Variants in PALD1 observed in about 807,000 individuals in gnomAD.
The protein encoded by PALD1 is paladin.
A neutral mutation model predicts 96.0 loss-of-function variants in PALD1; 57 were observed. The observed-to-expected ratio is 0.59, with a 90% CI of 0.48 to 0.74. The LOEUF (loss-of-function observed/expected upper bound fraction) is 0.74, where lower values mean the gene tolerates loss of function less well. PALD1 is among the 30% of genes least tolerant of loss of function. The pLI, the probability that PALD1 is intolerant of heterozygous loss-of-function variation, is 0.00. For missense variants in PALD1, 1,063 were observed against 1,143.7 expected (o/e 0.93, Z 1.02); for synonymous variants, 464 against 473.6 (o/e 0.98, Z 0.26).
At chr10:70,471,068 C>T in the PALD1 span, among the ~76,000 whole-genome samples, 3,458 of 152,176 alleles carry the variant, frequency 0.023, 104 homozygotes, top group African/African-American at 0.068. Flanking sequence ...ATGATCCTCC[C>T]GCCTCGGCCT....
intron 1 of PALD1, among the ~76,000 whole-genome samples, chr10:70,497,607 T>A (rs1338060774): frequency 5.3e-5 from 8 of 151,312 alleles, no homozygotes; most frequent in Non-Finnish European, 8.8e-5. Context: ...TCTGTCACCC[T>A]GGCTGGAGTG....
At chr10:70,483,886 C>T (rs1324938772) in intron 1 of PALD1, among the ~76,000 whole-genome samples, 2 of 152,182 alleles carry the variant, frequency 1.3e-5, no homozygotes, top group African/African-American at 4.8e-5. Context: ...TTCTGTTACA[C>T]GGGATGTATA....
chr10:70,567,158 T>G lies in PALD1; in HGVS notation c.*425T>G. On this transcript the variant is annotated 3_prime_UTR_variant, in exon 20 of 20. Transcript: ENST00000263563. ...GACCCGGCCACTGGTAGCTCCCCACTTCCTTACTCCTGCTGCTCTGCCATT... is the reference window on the plus strand; with the variant it reads ...GACCCGGCCACTGGTAGCTCCCCACGTCCTTACTCCTGCTGCTCTGCCATT... 2.4e-5 allele frequency: 4 copies of G among 164,958 alleles called. No homozygotes were observed. The highest frequency in any genetic ancestry group is 2.6e-5 in the Non-Finnish European group (2 of 76,894). The allele number at this position is 164,958 out of a possible 1,614,324, so 10.2% of individuals were successfully genotyped here.
intron 17 of PALD1, among the ~76,000 whole-genome samples, chr10:70,545,402 GA>G (rs1847341612): frequency 6.6e-6 from 1 of 152,000 alleles, no homozygotes; most frequent in Non-Finnish European, 1.5e-5. Flanking sequence ...ACGCTGGTCA[GA>G]AGGGTACTGC....
At chr10:70,496,083 T>TA (rs113758570) in intron 1 of PALD1, among the ~76,000 whole-genome samples, 26,332 of 148,834 alleles carry the variant, frequency 0.18, 3,495 homozygotes, top group African/African-American at 0.38. Flanking sequence ...AAGAAAATTT[T>TA]AAAAAGGGGA....
At chr10:70,557,547 A>T (rs1465821514) in intron 18 of PALD1, among the ~76,000 whole-genome samples, 5 of 152,148 alleles carry the variant, frequency 3.3e-5, no homozygotes, top group African/African-American at 4.8e-5. Flanking sequence ...ACTGGTAGGG[A>T]TTGAGGGCAA....
Position 70,537,831 on chromosome 10 carries a change from C to T in PALD1, c.1248C>T (p.Ser416=), listed in dbSNP as rs112425467. The T allele has an allele frequency of 1.6e-3, 2,546 of 1,612,714 alleles. 33 individuals are homozygous for T. The African/African-American group carries it at 0.024, about 15-fold the overall frequency. The change falls in exon 11 of 20, where the codon AGC becomes AGT. Residue 416 remains serine (S), a synonymous_variant. Transcript: ENST00000263563. ...CTCAGGGAAGCGGCAGCCGACACAG[C>T]GTCTGGCAGAGGGCGCTGTGGAGCC... The part of the protein sequence containing the change: ...SPAQGSGSRH[S]VWQRALWSLE...
the PALD1 span, among the ~76,000 whole-genome samples, chr10:70,473,531 C>G: frequency 6.6e-6 from 1 of 152,178 alleles, no homozygotes; most frequent in African/African-American, 2.4e-5. Context: ...TTACTGTCCT[C>G]CCAGCCCACT....
chr10:70,533,832 G>GT, intron 7 of PALD1, 90 bp from the exon 8 acceptor site: 1 of 1,234,320 alleles, frequency 8.1e-7, no homozygotes. Flanking sequence ...GTGGGGCAGG[G>GT]TGGGCTGATG....
intron 1 of PALD1, among the ~76,000 whole-genome samples, chr10:70,507,733 T>G (rs1053235364): frequency 1.3e-5 from 2 of 149,004 alleles, no homozygotes; most frequent in Non-Finnish European, 1.5e-5. Flanking sequence ...TTGTTACATT[T>G]GTATGTTTTG....
At chr10:70,502,914 C>T (rs1846325502) in intron 1 of PALD1, among the ~76,000 whole-genome samples, 1 of 152,014 alleles carries the variant, frequency 6.6e-6, no homozygotes, top group Admixed American at 6.6e-5. Context: ...GAGTTTCGCT[C>T]TTGTTGCCCA....
intron 1 of PALD1, among the ~76,000 whole-genome samples, chr10:70,514,586 T>C (rs542377482): frequency 1.4e-3 from 216 of 152,204 alleles, no homozygotes; most frequent in Admixed American, 3.5e-3. Flanking sequence ...CAGGAGCCTC[T>C]GCCTCCATGA....
chr10:70,474,229 T>A (rs1016746490), upstream of PALD1, among the ~76,000 whole-genome samples: 1 of 152,042 alleles, frequency 6.6e-6, no homozygotes, highest in African/African-American at 2.4e-5. Context: ...ATCAGTGTAG[T>A]GCCCTGCAGT....
chr10:70,538,744 CG>C, intron 12 of PALD1, 147 bp from the exon 13 acceptor site: 5 of 703,158 alleles, frequency 7.1e-6, no homozygotes, highest in Non-Finnish European at 1.2e-5. Flanking sequence ...TTGCCAGGGC[CG>C]GGGGAAGCTC....
chr10:70,460,907 T>C, the PALD1 span, among the ~76,000 whole-genome samples: 4 of 152,002 alleles, frequency 2.6e-5, no homozygotes, highest in Non-Finnish European at 5.9e-5. Context: ...ATACAAAAAT[T>C]AGCCGGGCGT....
At chr10:70,512,571 G>A (rs1407370885) in intron 1 of PALD1, among the ~76,000 whole-genome samples, 2 of 152,256 alleles carry the variant, frequency 1.3e-5, no homozygotes, top group African/African-American at 4.8e-5. Context: ...AGTGTGGTCT[G>A]TGTCTGGGCT....
At chr10:70,472,839 C>A in the PALD1 span, among the ~76,000 whole-genome samples, 20 of 152,118 alleles carry the variant, frequency 1.3e-4, no homozygotes, top group Non-Finnish European at 2.9e-4. Flanking sequence ...AAGGACCAAG[C>A]ATTGGAGAGG....
intron 7 of PALD1, among the ~76,000 whole-genome samples, chr10:70,533,361 GTGTA>G (rs1354888884): frequency 9.9e-5 from 15 of 151,820 alleles, no homozygotes; most frequent in Non-Finnish European, 1.9e-4. Flanking sequence ...GTTTCTGTGT[GTGTA>G]TGTGTCTGTG....
Position 70,478,804 on chromosome 10 carries a change from C to T in PALD1, c.-285C>T, listed in dbSNP as rs1845872688. The T allele has an allele frequency of 6.6e-6, 1 of 151,504 alleles. No homozygotes were observed. Among genetic ancestry groups the T allele is most frequent in the Non-Finnish European group, 1.5e-5 (1 of 67,862 alleles). The allele number at this position is 151,504 out of a possible 1,614,324, so 9.4% of individuals were successfully genotyped here. On this transcript the variant is annotated 5_prime_UTR_variant, in exon 1 of 20. Coordinates refer to ENST00000263563, the MANE Select transcript of PALD1 (RefSeq NM_014431.3). ...CGGGGCGCTGGGGAGCAGCGCGGCG[C>T]GCACGGGCCGGGGCGCGCAGGTCCC...
Sources: allele counts gnomAD v4.1 joint callset (sites outside exome capture counted in the v4.1 genomes callset), GRCh38; gene constraint gnomAD v4.1.1; transcripts MANE v1.5; gene names NCBI Gene and HGNC (gene_info 2026-07-23, HGNC 2026-07-21).